SPAST: variants seen among roughly 807,000 people sequenced by gnomAD.
SPAST encodes the protein spastin, also known as spastic paraplegia 4 (autosomal dominant; spastin).
In SPAST, 30 loss-of-function variants were observed where a neutral mutation model predicts 76.6. That is an observed-to-expected ratio of 0.39 (90% CI 0.29 to 0.53). The LOEUF is 0.53. Ranked by LOEUF, SPAST falls within the 20% of genes least tolerant of loss-of-function variation. SPAST has a pLI of 0.68. For missense variants in SPAST, 717 were observed against 770.5 expected, an observed-to-expected ratio of 0.93 and a Z score of 0.82; for synonymous variants, 305 against 281.0, an observed-to-expected ratio of 1.09 and a Z score of -0.86.
intron 1 of SPAST, 119 bp from the exon 2 acceptor site, chr2:32,087,373 G>A: frequency 1.7e-6 from 1 of 593,034 alleles, no homozygotes; most frequent in Non-Finnish European, 3.1e-6. Context: ...AAGTTATATA[G>A]TAATGTTTCT....
At chr2:32,143,486 T>C (rs966012963) in intron 14 of SPAST, 71 bp downstream of exon 14, 87 of 931,530 alleles carry the variant, frequency 9.3e-5, no homozygotes, top group Non-Finnish European at 1.4e-4. Context: ...TTTTTAGTTA[T>C]TTAAAGTAAT....
chr2:32,147,314 A>T, intron 16 of SPAST, 56 bp downstream of exon 16: 5 of 1,059,066 alleles, frequency 4.7e-6, no homozygotes, highest in Non-Finnish European at 7.3e-6. Context: ...GACATATATA[A>T]GACATACATA....
intron 16 of SPAST, among the ~76,000 whole-genome samples, chr2:32,152,149 A>G (rs1259942858): frequency 1.3e-5 from 2 of 152,178 alleles, no homozygotes; most frequent in Non-Finnish European, 2.9e-5. Flanking sequence ...TAACTGAACC[A>G]GCTACCATCT....
At chr2:32,075,425 CAAAA>C (rs70938315) in intron 1 of SPAST, among the ~76,000 whole-genome samples, 3 of 65,620 alleles carry the variant, frequency 4.6e-5, no homozygotes, top group African/African-American at 1.2e-4. Context: ...GACTCTGTCT[CAAAA>C]AAAAAAAAAA....
At chr2:32,113,732 A>AT (rs1293641392) in intron 4 of SPAST, among the ~76,000 whole-genome samples, 3 of 149,410 alleles carry the variant, frequency 2.0e-5, no homozygotes, top group Admixed American at 6.7e-5. Context: ...CGTCTGACTG[A>AT]TTTTTTGTAT....
rs1172013814 is a variant in SPAST at position 32,155,469 on chromosome 2, T to G, written c.*973T>G. The G allele has an allele frequency of 1.3e-5, 2 of 152,616 alleles. No homozygotes were observed. The highest frequency in any genetic ancestry group is 6.5e-5 in the Admixed American group (1 of 15,270). 9.5% of individuals were successfully genotyped at this position (152,616 alleles called of 1,614,324 possible). A position where few individuals can be genotyped will look rare whatever the true frequency, so the allele number is the denominator to read the frequency against. ...TTACTTTCTTAATTTTACAGGATAATTATAAGCAAGTGGAACTACCATCTT... is the reference window on the plus strand; with the variant it reads ...TTACTTTCTTAATTTTACAGGATAAGTATAAGCAAGTGGAACTACCATCTT... On this transcript the variant is annotated 3_prime_UTR_variant, in exon 17 of 17. Coordinates refer to ENST00000315285, the MANE Select transcript of SPAST (RefSeq NM_014946.4).
chr2:32,076,953 G>T (rs757785438), intron 1 of SPAST, among the ~76,000 whole-genome samples: 1 of 151,974 alleles, frequency 6.6e-6, no homozygotes, highest in African/African-American at 2.4e-5. Flanking sequence ...TCGGCTCACT[G>T]CAACCTCTGT....
At chr2:32,147,428 T>C (rs1679929878) in intron 16 of SPAST, among the ~76,000 whole-genome samples, 170 bp downstream of exon 16, 2 of 147,182 alleles carry the variant, frequency 1.4e-5, no homozygotes, top group South Asian at 4.6e-4. Context: ...ATTCAAGCTA[T>C]TCTCCTGCCT....
intron 1 of SPAST, among the ~76,000 whole-genome samples, chr2:32,075,480 CAAAA>C (rs70938316): frequency 6.2e-5 from 6 of 96,592 alleles, no homozygotes; most frequent in African/African-American, 2.4e-4. Context: ...ATTGTGATGA[CAAAA>C]AAAAAAAAAG....
chr2:32,069,153 C>T (rs185637608), intron 1 of SPAST, among the ~76,000 whole-genome samples: 11 of 149,802 alleles, frequency 7.3e-5, no homozygotes, highest in South Asian at 4.2e-4. Context: ...GTGGAGATTG[C>T]GGTGGGCCAA....
intron 5 of SPAST, 132 bp downstream of exon 5, chr2:32,114,957 AT>A (rs11399176): frequency 9.6e-3 from 4,687 of 486,634 alleles, no homozygotes; most frequent in South Asian, 0.012. Flanking sequence ...ATAAAGTTAA[AT>A]TTTTTTTTTT....
chr2:32,117,221 C>A (rs1184987367), intron 7 of SPAST, among the ~76,000 whole-genome samples: 1 of 152,028 alleles, frequency 6.6e-6, no homozygotes. Context: ...CCACTGCACT[C>A]CAGCCTGGCG....
chr2:32,140,956 T>G (rs756451034), intron 12 of SPAST, among the ~76,000 whole-genome samples: 6,262 of 150,994 alleles, frequency 0.041, 220 homozygotes, highest in Middle Eastern at 0.058. Context: ...TTTTTTTTTT[T>G]TTTTTTAAAT....
At chr2:32,069,865 T>C (rs1314736373) in intron 1 of SPAST, among the ~76,000 whole-genome samples, 3 of 151,958 alleles carry the variant, frequency 2.0e-5, no homozygotes, top group Non-Finnish European at 4.4e-5. Flanking sequence ...GGCCTACTTA[T>C]CTTCTAATTT....
intron 14 of SPAST, among the ~76,000 whole-genome samples, chr2:32,144,116 C>T (rs954288719): frequency 1.3e-5 from 2 of 152,086 alleles, no homozygotes; most frequent in African/African-American, 4.8e-5. Flanking sequence ...ATAAAGTATT[C>T]AATGAGTATG....
chr2:32,110,780 CTA>C (rs1008967598), intron 4 of SPAST, among the ~76,000 whole-genome samples: 2 of 131,018 alleles, frequency 1.5e-5, no homozygotes, highest in African/African-American at 6.1e-5. Flanking sequence ...ACATAGTATA[CTA>C]TATATAGTAT....
At chr2:32,147,160 A>T in intron 15 of SPAST, 58 bp from the exon 16 acceptor site, 4 of 1,262,300 alleles carry the variant, frequency 3.2e-6, no homozygotes, top group East Asian at 2.3e-5. Flanking sequence ...TTTGCCCTTC[A>T]ACAATTTCAA....
intron 4 of SPAST, among the ~76,000 whole-genome samples, chr2:32,113,431 A>G (rs1462492460): frequency 6.6e-6 from 1 of 151,816 alleles, no homozygotes; most frequent in African/African-American, 2.4e-5. Context: ...ACAGACTTTC[A>G]TAGTGTTTAT....
chr2:32,124,910 A>C (rs1474651814), intron 7 of SPAST, among the ~76,000 whole-genome samples: 1 of 152,240 alleles, frequency 6.6e-6, no homozygotes, highest in Non-Finnish European at 1.5e-5. Flanking sequence ...GGTGGAGCAC[A>C]GTGGATTTTT....
Sources: allele counts gnomAD v4.1 joint callset (sites outside exome capture counted in the v4.1 genomes callset), GRCh38; gene constraint gnomAD v4.1.1; transcripts MANE v1.5; gene names NCBI Gene and HGNC (gene_info 2026-07-23, HGNC 2026-07-21).